The following MDFIC2 variants were observed in gnomAD, a reference collection of about 807,000 sequenced individuals.
The protein encoded by MDFIC2 is MyoD family inhibitor domain containing 2, also known as myoD family inhibitor domain-containing protein 2.
intron 2 of MDFIC2, among the ~76,000 whole-genome samples, chr3:70,276,684 T>C (rs1702030077): frequency 1.3e-5 from 2 of 152,236 alleles, no homozygotes; most frequent in African/African-American, 4.8e-5. Context: ...CCTACTGCAT[T>C]TTTTTGTAAG....
intron 2 of MDFIC2, among the ~76,000 whole-genome samples, chr3:70,293,373 G>T (rs1389981618): frequency 1.3e-5 from 2 of 152,044 alleles, no homozygotes; most frequent in African/African-American, 2.4e-5. Context: ...CTTAGAAGTG[G>T]AATAACTAAT....
intron 2 of MDFIC2, among the ~76,000 whole-genome samples, chr3:70,232,921 G>T (rs1295540835): frequency 6.6e-6 from 1 of 152,100 alleles, no homozygotes; most frequent in Non-Finnish European, 1.5e-5. Flanking sequence ...AGGCGTGGGG[G>T]TTCACACCGG....
intron 3 of MDFIC2, among the ~76,000 whole-genome samples, chr3:70,204,313 TC>T (rs201643596): frequency 0.018 from 2,718 of 152,300 alleles, 86 homozygotes; most frequent in African/African-American, 0.06. Flanking sequence ...ACCCCAGCTC[TC>T]AATTTCTGCA....
intron 2 of MDFIC2, among the ~76,000 whole-genome samples, chr3:70,286,407 C>T (rs1702163217): frequency 6.6e-6 from 1 of 151,732 alleles, no homozygotes; most frequent in African/African-American, 2.4e-5. Flanking sequence ...TGTTCTGTTC[C>T]ATTGATCTAT....
chr3:70,227,080 C>T (rs1447801125), intron 2 of MDFIC2, among the ~76,000 whole-genome samples: 1 of 152,002 alleles, frequency 6.6e-6, no homozygotes, highest in Non-Finnish European at 1.5e-5. Flanking sequence ...TCCTTTGATC[C>T]CCAGCACACA....
At chr3:70,200,492 A>AT (rs1701226919) in intron 3 of MDFIC2, among the ~76,000 whole-genome samples, 1 of 152,130 alleles carries the variant, frequency 6.6e-6, no homozygotes, top group Non-Finnish European at 1.5e-5. Flanking sequence ...TTTTGCCTGC[A>AT]TTGCACACCC....
chr3:70,203,925 T>C (rs1438429781), intron 3 of MDFIC2, among the ~76,000 whole-genome samples: 1 of 152,074 alleles, frequency 6.6e-6, no homozygotes, highest in Non-Finnish European at 1.5e-5. Flanking sequence ...CTGGACACTT[T>C]CCATTTTATT....
chr3:70,288,872 G>A (rs1702196315), intron 2 of MDFIC2, among the ~76,000 whole-genome samples: 1 of 151,450 alleles, frequency 6.6e-6, no homozygotes, highest in African/African-American at 2.4e-5. Context: ...TCAGAGACTA[G>A]GATTGCAACC....
chr3:70,251,120 C>T (rs1701763306), intron 2 of MDFIC2, among the ~76,000 whole-genome samples: 1 of 152,136 alleles, frequency 6.6e-6, no homozygotes, highest in Non-Finnish European at 1.5e-5. Flanking sequence ...GTACAACAGG[C>T]CTGTGGTTAA....
intron 2 of MDFIC2, among the ~76,000 whole-genome samples, chr3:70,228,649 T>C (rs1575602019): frequency 6.6e-6 from 1 of 150,796 alleles, no homozygotes; most frequent in African/African-American, 2.4e-5. Context: ...TTTTTTTTAG[T>C]GTGGGGCTAA....
chr3:70,245,661 G>C (rs1272671349), intron 2 of MDFIC2, among the ~76,000 whole-genome samples: 1 of 109,648 alleles, frequency 9.1e-6, no homozygotes, highest in Non-Finnish European at 1.8e-5. Context: ...TAACGTTTTT[G>C]CAAACTGCTT....
intron 2 of MDFIC2, among the ~76,000 whole-genome samples, chr3:70,220,069 T>C (rs6804800): frequency 0.13 from 20,224 of 152,098 alleles, 2,803 homozygotes; most frequent in African/African-American, 0.36. Flanking sequence ...CAAGGAAAAC[T>C]AGATCAAATG....
intron 2 of MDFIC2, among the ~76,000 whole-genome samples, chr3:70,286,444 C>A (rs1477037386): frequency 6.6e-5 from 10 of 150,424 alleles, no homozygotes; most frequent in South Asian, 4.2e-4. Context: ...CAGTACCATG[C>A]TGTTTTGGTT....
At chr3:70,260,004 C>T (rs1701850837) in intron 2 of MDFIC2, among the ~76,000 whole-genome samples, 1 of 152,102 alleles carries the variant, frequency 6.6e-6, no homozygotes, top group Non-Finnish European at 1.5e-5. Context: ...ACAGCGTGAT[C>T]CAATTACCTC....
intron 2 of MDFIC2, among the ~76,000 whole-genome samples, chr3:70,289,251 C>A (rs1308308233): frequency 1.3e-5 from 2 of 149,654 alleles, no homozygotes; most frequent in African/African-American, 4.9e-5. Flanking sequence ...TTAGGGCAGG[C>A]CTGGTGGTGA....
rs559917887 is a variant in MDFIC2, at chr3:70,305,473, C to T, written c.88+6413G>A. ...TTTAAATGAGATACAAAAAATATCCCGTTTAGAAATGAGAATTATCTGAGT... is the reference window on the plus strand; with the variant it reads ...TTTAAATGAGATACAAAAAATATCCTGTTTAGAAATGAGAATTATCTGAGT... On this transcript the variant is annotated intron_variant, in intron 2 of 3. Coordinates refer to ENST00000567252, the MANE Select transcript of MDFIC2 (RefSeq NM_001364677.1). Among the ~76,000 whole-genome samples, 55 of 152,030 alleles carry T rather than the reference C, an allele frequency of 3.6e-4. No individual in the cohort carries two copies. The South Asian group carries it at 7.9e-3, about 22-fold the overall frequency.
intron 2 of MDFIC2, among the ~76,000 whole-genome samples, chr3:70,231,923 T>TAC (rs1373966493): frequency 2.6e-5 from 4 of 152,312 alleles, no homozygotes; most frequent in African/African-American, 9.6e-5. Flanking sequence ...GAGCTGATGC[T>TAC]ACACCAAATA....
At chr3:70,236,329 A>T (rs556749841) in intron 2 of MDFIC2, among the ~76,000 whole-genome samples, 1 of 151,994 alleles carries the variant, frequency 6.6e-6, no homozygotes, top group Non-Finnish European at 1.5e-5. Flanking sequence ...TCTCCCCTTA[A>T]TCCATATTGT....
intron 2 of MDFIC2, among the ~76,000 whole-genome samples, chr3:70,208,936 A>G (rs1250101402): frequency 6.6e-6 from 1 of 152,100 alleles, no homozygotes; most frequent in Non-Finnish European, 1.5e-5. Flanking sequence ...GGGATTCAAG[A>G]AAACATCTGT....
Sources: gnomAD v4.1 joint callset for allele counts (sites outside exome capture counted in the v4.1 genomes callset) on GRCh38, gnomAD v4.1.1 for gene constraint, MANE v1.5 for transcripts, NCBI Gene and HGNC (gene_info 2026-07-23, HGNC 2026-07-21) for gene names.